WNT4: variants seen among roughly 807,000 people sequenced by gnomAD.
WNT4 encodes protein Wnt-4.
In WNT4, 16 loss-of-function variants were observed where a neutral mutation model predicts 34.5. The ratio of observed to expected loss-of-function variants is 0.46; its 90% CI spans 0.31 to 0.70. WNT4 has a LOEUF of 0.70. Ranked by LOEUF, WNT4 falls within the 30% of genes least tolerant of loss-of-function variation. The pLI is 0.04. For missense variants in WNT4, 379 were observed against 495.9 expected (o/e 0.76, Z 2.24); for synonymous variants, 200 against 211.9 (o/e 0.94, Z 0.49).
In WNT4 at chr1:22,118,335, C is replaced by G. The variant is rs957507722; in HGVS notation, c.*1715G>C. ...AAATCTCCGACCTGAAACTTAGAGC[C>G]CCAGTGTGGGGGCAGTCTGGAAAGT... On this transcript the variant is annotated 3_prime_UTR_variant, in exon 5 of 5. Coordinates refer to ENST00000290167, the MANE Select transcript of WNT4 (RefSeq NM_030761.5). 14 of 152,194 alleles carry G rather than the reference C, an allele frequency of 9.2e-5. No individual in the cohort carries two copies. Among genetic ancestry groups the G allele is most frequent in the African/African-American group, 3.4e-4 (14 of 41,442 alleles). The allele number at this position is 152,194 out of a possible 1,614,324, so 9.4% of individuals were successfully genotyped here.
Position 22,140,474 on chromosome 1 carries a change from C to T in WNT4, c.77+2372G>A, listed in dbSNP as rs897110561. Reference sequence around the variant, plus strand: ...CCCCCTCTGTGCCTGCTCGGGCTCACACTCAGCTCTTTCCTCTGACAGCCA... The same window carrying T: ...CCCCCTCTGTGCCTGCTCGGGCTCATACTCAGCTCTTTCCTCTGACAGCCA... On this transcript the variant is annotated intron_variant, in intron 1 of 4. Coordinates refer to ENST00000290167, the MANE Select transcript of WNT4 (RefSeq NM_030761.5). This position sits in a 1 kb window ranked among gnomAD's most constrained non-coding sequence, Gnocchi z 5.9. Among the ~76,000 whole-genome samples the T allele has an allele frequency of 6.6e-6, 1 of 152,220 alleles. No homozygotes were observed. The highest frequency in any genetic ancestry group is 2.4e-5 in the African/African-American group (1 of 41,462).
chr1:22,127,181 T>A (rs1321790064), intron 2 of WNT4: 18 of 420,932 alleles, frequency 4.3e-5, no homozygotes, highest in Non-Finnish European at 1.5e-5. Flanking sequence ...CACCTTGACA[T>A]GTCCCTCTCC....
intron 1 of WNT4, among the ~76,000 whole-genome samples, chr1:22,133,120 C>A (rs543210552): frequency 6.6e-6 from 1 of 152,278 alleles, no homozygotes; most frequent in African/African-American, 2.4e-5. Context: ...ACTCTCAACT[C>A]TCTTTCCTCT....
In WNT4 at chr1:22,119,799, G is replaced by T. The variant is rs1460761203; in HGVS notation, c.*251C>A. On this transcript the variant is annotated 3_prime_UTR_variant, in exon 5 of 5. Transcript: ENST00000290167. ...TGAGTGGTCAGTGGCAGCCACATGCGGGCAGCCAGCGGCACGAGCAAGGTC... is the reference window on the plus strand; with the variant it reads ...TGAGTGGTCAGTGGCAGCCACATGCTGGCAGCCAGCGGCACGAGCAAGGTC... 3 of 578,370 alleles carry T rather than the reference G, an allele frequency of 5.2e-6. No homozygotes were observed. In the East Asian group the frequency reaches 8.8e-5, roughly 17 times the overall value. The allele number at this position is 578,370 out of a possible 1,614,324, so 35.8% of individuals were successfully genotyped here. A position where few individuals can be genotyped will look rare whatever the true frequency, so the allele number is the denominator to read the frequency against.
intron 2 of WNT4, chr1:22,127,216 AC>A (rs1427202936): frequency 4.3e-6 from 2 of 465,152 alleles, no homozygotes; most frequent in African/African-American, 2.0e-5. Flanking sequence ...GTTCGACTCC[AC>A]CAGTCAGACT....
chr1:22,123,713 TC>T (rs1196170161), intron 2 of WNT4, among the ~76,000 whole-genome samples: 1 of 152,118 alleles, frequency 6.6e-6, no homozygotes, highest in African/African-American at 2.4e-5. Flanking sequence ...GCAGCCAGAC[TC>T]CAGAGCTTTT....
Position 22,140,772 on chromosome 1 carries a change from G to A in WNT4, c.77+2074C>T, listed in dbSNP as rs962826815. Reference sequence around the variant, plus strand: ...GCAGAGAGACCCTTGGCTTGAAGCCGGGGGTGGAGCAGGAGTGAGCTGGGT... The same window carrying A: ...GCAGAGAGACCCTTGGCTTGAAGCCAGGGGTGGAGCAGGAGTGAGCTGGGT... On this transcript the variant is annotated intron_variant, in intron 1 of 4. Coordinates refer to ENST00000290167, the MANE Select transcript of WNT4 (RefSeq NM_030761.5). This position sits in a 1 kb window ranked among gnomAD's most constrained non-coding sequence, Gnocchi z 5.9. Among the ~76,000 whole-genome samples the A allele has an allele frequency of 4.6e-5, 7 of 152,228 alleles. No individual in the cohort carries two copies. The highest frequency in any genetic ancestry group is 7.2e-5 in the African/African-American group (3 of 41,464).
At chr1:22,129,972 G>GC in intron 1 of WNT4, 121 bp from the exon 2 acceptor site, 5 of 1,158,730 alleles carry the variant, frequency 4.3e-6, no homozygotes, top group Non-Finnish European at 6.4e-6. Context: ...GGGCCTGGCT[G>GC]CCGACTTCTC....
At chr1:22,127,296 G>T (rs1409240283) in intron 2 of WNT4, 2 of 527,230 alleles carry the variant, frequency 3.8e-6, no homozygotes, top group Non-Finnish European at 3.9e-6. Context: ...GAGCCGGTGT[G>T]GGTGCCCCCT....
At chr1:22,124,729 A>G (rs1237715838) in intron 2 of WNT4, among the ~76,000 whole-genome samples, 1 of 152,170 alleles carries the variant, frequency 6.6e-6, no homozygotes, top group African/African-American at 2.4e-5. Context: ...TTTCCCAGAT[A>G]CAGGAGAAGG....
chr1:22,127,094 T>A (rs1645945922), intron 2 of WNT4: 1 of 351,700 alleles, frequency 2.8e-6, no homozygotes. Context: ...AAGGGAGGAG[T>A]TTGATGAGTG....
Position 22,142,833 on chromosome 1 carries a change from C to T in WNT4, c.77+13G>A, listed in dbSNP as rs1242891832. On this transcript the variant is annotated intron_variant, in intron 1 of 4. Transcript: ENST00000290167. The surrounding 1 kb of genome is among the most constrained non-coding windows in gnomAD (Gnocchi z 6.0). Reference sequence around the variant, plus strand: ...CGCCCCGCCCCGCCCCGCTCGGCCCCGGCCAGACTTACAGCCAGTTGCTCG... The same window carrying T: ...CGCCCCGCCCCGCCCCGCTCGGCCCTGGCCAGACTTACAGCCAGTTGCTCG... The T allele has an allele frequency of 9.2e-6, 11 of 1,197,332 alleles. No individual in the cohort carries two copies. The highest frequency in any genetic ancestry group is 2.8e-5 in the South Asian group (2 of 71,156). The allele number at this position is 1,197,332 out of a possible 1,614,324, so 74.2% of individuals were successfully genotyped here. A position where few individuals can be genotyped will look rare whatever the true frequency, so the allele number is the denominator to read the frequency against.
rs1249355159 is a variant in WNT4 at position 22,134,405 on chromosome 1, AC to A, written c.78-4555del. Among the ~76,000 whole-genome samples, 15 of 151,784 alleles carry A rather than the reference AC, an allele frequency of 9.9e-5. No individual in the cohort carries two copies. The highest frequency in any genetic ancestry group is 1.2e-4 in the Non-Finnish European group (8 of 67,902). On this transcript the variant is annotated intron_variant, in intron 1 of 4. Coordinates refer to ENST00000290167, the MANE Select transcript of WNT4 (RefSeq NM_030761.5). This position sits in a 1 kb window ranked among gnomAD's most constrained non-coding sequence, Gnocchi z 4.1. Reference sequence around the variant, plus strand: ...CCTGGTTTCCCAAGATCCTAACCATACCCCCCACTCACTTTTACATCTTTGA... The same window carrying A: ...CCTGGTTTCCCAAGATCCTAACCATACCCCCACTCACTTTTACATCTTTGA...
chr1:22,122,530 A>C (rs1001030661), intron 2 of WNT4, among the ~76,000 whole-genome samples: 1 of 152,084 alleles, frequency 6.6e-6, no homozygotes, highest in South Asian at 2.1e-4. Context: ...GGTGGGGGGC[A>C]GTGTGTGAGC....
intron 1 of WNT4, among the ~76,000 whole-genome samples, chr1:22,135,694 G>T (rs1646016568): frequency 6.6e-6 from 1 of 152,162 alleles, no homozygotes; most frequent in Non-Finnish European, 1.5e-5. Flanking sequence ...CCCTGGAGGG[G>T]CAGGCTTTGG....
At position 22,134,869 on chromosome 1, in the gene WNT4, C is replaced by G. The variant is rs1646010192; in HGVS notation, c.78-5018G>C. Among the ~76,000 whole-genome samples the G allele has an allele frequency of 6.6e-6, 1 of 152,162 alleles. No individual in the cohort carries two copies. The highest frequency in any genetic ancestry group is 1.5e-5 in the Non-Finnish European group (1 of 68,034). On this transcript the variant is annotated intron_variant, in intron 1 of 4. Coordinates refer to ENST00000290167, the MANE Select transcript of WNT4 (RefSeq NM_030761.5). The surrounding 1 kb of genome is among the most constrained non-coding windows in gnomAD (Gnocchi z 4.1). ...TGTGTGTGTTTTTTTGCTTGGGTCT[C>G]TTGGCCCTCTTAGTCCTGGGTTCCC...
In WNT4 at chr1:22,129,834, G is replaced by C; in HGVS notation, c.95C>G (p.Ser32Trp). 6.2e-7 allele frequency: 1 copy of C among 1,613,834 alleles called. No individual in the cohort carries two copies. Among genetic ancestry groups the C allele is most frequent in the Non-Finnish European group, 8.5e-7 (1 of 1,180,024 alleles). The change falls in exon 2 of 5, where the codon TCG becomes TGG. Residue 32 changes from serine to tryptophan, a missense_variant. Ser to Trp is a radical substitution (Grantham distance 177). Around this residue, in one of 2 missense-constraint regions of WNT4, gnomAD observed 66 missense variants for 50.1 expected, o/e 1.32. Transcript: ENST00000290167. ...CTCCTCTGAGATGCTCCCCACCGAC[G>C]ACAGCTTGGCCAGGTACCTGGGGAG... The part of the protein sequence containing the change: ...ASNWLYLAKL[S>W]SVGSISEEET...
chr1:22,134,163 C>T lies in WNT4; in HGVS notation c.78-4312G>A, dbSNP rs1038143885. Among the ~76,000 whole-genome samples, 9 of 152,222 alleles carry T rather than the reference C, an allele frequency of 5.9e-5. No individual in the cohort carries two copies. The highest frequency in any genetic ancestry group is 5.9e-4 in the Admixed American group (9 of 15,294). On this transcript the variant is annotated intron_variant, in intron 1 of 4. Coordinates refer to ENST00000290167, the MANE Select transcript of WNT4 (RefSeq NM_030761.5). This position sits in a 1 kb window ranked among gnomAD's most constrained non-coding sequence, Gnocchi z 4.1. ...ACGCCAGCGCAGGCCTCTCTGCCCCCTCCCTTTGGCCTCCCTGCCTGCCTG... is the reference window on the plus strand; with the variant it reads ...ACGCCAGCGCAGGCCTCTCTGCCCCTTCCCTTTGGCCTCCCTGCCTGCCTG...
chr1:22,139,158 G>C lies in WNT4; in HGVS notation c.77+3688C>G, dbSNP rs1440909108. 6.6e-6 allele frequency among the ~76,000 whole-genome samples: 1 copy of C among 152,140 alleles called. No individual in the cohort carries two copies. The highest frequency in any genetic ancestry group is 1.5e-5 in the Non-Finnish European group (1 of 68,004). ...TGGGTGGGACAGCCTGGGATAAACA[G>C]GGCTTGGGAGCAGCAGCCTGAAGGC... On this transcript the variant is annotated intron_variant, in intron 1 of 4. Coordinates refer to ENST00000290167, the MANE Select transcript of WNT4 (RefSeq NM_030761.5). This position sits in a 1 kb window ranked among gnomAD's most constrained non-coding sequence, Gnocchi z 4.6.
Sources: gnomAD v4.1 joint callset for allele counts (sites outside exome capture counted in the v4.1 genomes callset) on GRCh38, gnomAD v4.1.1 for gene constraint, gnomAD v4.1.1 regional missense constraint, Gnocchi (gnomAD v3.1) non-coding constraint, MANE v1.5 for transcripts, NCBI Gene and HGNC (gene_info 2026-07-23, HGNC 2026-07-21) for gene names.